SULT1A2: variants seen among roughly 807,000 people sequenced by gnomAD.
SULT1A2 encodes the protein sulfotransferase 1A2.
SULT1A2 carries 33 observed loss-of-function variants against 36.0 expected under a neutral mutation model. That is an observed-to-expected ratio of 0.92 (90% CI 0.69 to 1.22). The LOEUF (loss-of-function observed/expected upper bound fraction) is 1.22. SULT1A2 is among the 50% of genes most tolerant of loss of function. SULT1A2 has a pLI of 0.00. For missense variants in SULT1A2, 367 were observed against 383.2 expected (o/e 0.96, Z 0.35); for synonymous variants, 138 against 144.5 (o/e 0.96, Z 0.32).
intron 6 of SULT1A2, 62 bp from the exon 7 acceptor site, chr16:28,592,505 T>C (rs1596611744): frequency 1.2e-5 from 19 of 1,611,890 alleles, no homozygotes; most frequent in Admixed American, 1.7e-5. Flanking sequence ...ATAAAAGGGG[T>C]CCACTTCTCT....
At chr16:28,596,418 C>T in intron 1 of SULT1A2, 1 of 973,098 alleles carries the variant, frequency 1.0e-6, no homozygotes, top group African/African-American at 1.8e-5. Flanking sequence ...GTGGCAACTC[C>T]TAGGCTGGCC....
Position 28,592,355 on chromosome 16 carries a change from G to A in SULT1A2, c.683C>T (p.Ser228Leu), listed in dbSNP as rs1232719146. 5.0e-6 allele frequency: 8 copies of A among 1,614,002 alleles called. No individual in the cohort carries two copies. The highest frequency in any genetic ancestry group is 2.2e-5 in the East Asian group (1 of 44,862). The part of the protein sequence containing the change: ...ETVDLMVEHT[S>L]FKEMKKNPMT... ...AGGGTTCTTCTTCATCTCCTTGAAC[G>A]ACGTGTGCTCAACCATGAGGTCCAC... Residue 228 changes from serine (S) to leucine (L), a missense_variant, in exon 7 of 8, where the codon TCG becomes TTG. Transcript: ENST00000335715.
intron 2 of SULT1A2, 24 bp from the exon 3 acceptor site, chr16:28,595,699 G>A: frequency 6.2e-7 from 1 of 1,613,902 alleles, no homozygotes; most frequent in South Asian, 1.1e-5. Context: ...GAGATGGGAG[G>A]TGAGCAGGCT....
chr16:28,595,811 G>C lies in SULT1A2; in HGVS notation c.120C>G (p.Asp40Glu). ...ACTTGGGGTAGGTGCTGATGAGCAG[G>C]TCATCAGGCCGGGCCTGGAAGCTCT... ...PLQSFQARPD[D>E]LLISTYPKSG... The change falls in exon 2 of 8, where the codon GAC becomes GAG. Residue 40 changes from aspartate to glutamate, a missense_variant. Transcript: ENST00000335715. 1.2e-6 allele frequency: 2 copies of C among 1,612,484 alleles called. No individual in the cohort carries two copies. Among genetic ancestry groups the C allele is most frequent in the Non-Finnish European group, 1.7e-6 (2 of 1,179,440 alleles).
At chr16:28,592,537 A>G in intron 6 of SULT1A2, 94 bp from the exon 7 acceptor site, 1 of 1,588,434 alleles carries the variant, frequency 6.3e-7, no homozygotes, top group Non-Finnish European at 8.6e-7. Flanking sequence ...GGAACTGGCC[A>G]CTTCCACTTC....
At chr16:28,594,660 C>T (rs2047037293) in intron 4 of SULT1A2, among the ~76,000 whole-genome samples, 1 of 151,480 alleles carries the variant, frequency 6.6e-6, no homozygotes, top group African/African-American at 2.4e-5. Flanking sequence ...TCCATGTTGG[C>T]CAGGCTGATC....
rs761442890 is a variant in SULT1A2, at chr16:28,592,313, G to T, written c.725C>A (p.Thr242Asn). 22 of 1,613,846 alleles carry T rather than the reference G, an allele frequency of 1.4e-5. 1 individual carries two copies. The South Asian group carries it at 2.1e-4, about 15-fold the overall frequency. The part of the protein sequence containing the change: ...MKKNPMTNYT[T>N]VRREFMDHSI... ...GTGGTCCATGAACTCCCGGCGGACGGTGGTGTAGTTGGTCATAGGGTTCTT... is the reference window on the plus strand; with the variant it reads ...GTGGTCCATGAACTCCCGGCGGACGTTGGTGTAGTTGGTCATAGGGTTCTT... The change falls in exon 7 of 8, where the codon ACC (threonine) becomes AAC (asparagine). Residue 242 changes from threonine (T) to asparagine (N), a missense_variant. Thr to Asn is a moderately conservative substitution (Grantham distance 65). Transcript: ENST00000335715.
rs371074147 is a variant in SULT1A2 at position 28,592,318 on chromosome 16, G to A, written c.720C>T (p.Tyr240=). Residue 240 remains tyrosine, a synonymous_variant, in exon 7 of 8, where the codon TAC becomes TAT. Coordinates refer to ENST00000335715, the MANE Select transcript of SULT1A2 (RefSeq NM_001054.4). ...KEMKKNPMTN[Y]TTVRREFMDH... ...CCATGAACTCCCGGCGGACGGTGGT[G>A]TAGTTGGTCATAGGGTTCTTCTTCA... The A allele has an allele frequency of 1.9e-6, 3 of 1,613,962 alleles. No individual in the cohort carries two copies. The highest frequency in any genetic ancestry group is 2.5e-6 in the Non-Finnish European group (3 of 1,179,858).
chr16:28,592,333 G>A lies in SULT1A2; in HGVS notation c.705C>T (p.Asn235=). 9 of 1,613,900 alleles carry A rather than the reference G, an allele frequency of 5.6e-6. No homozygotes were observed. The highest frequency in any genetic ancestry group is 2.2e-5 in the South Asian group (2 of 91,080). The change falls in exon 7 of 8, where the codon AAC becomes AAT. Residue 235 remains asparagine (N), a synonymous_variant. Coordinates refer to ENST00000335715, the MANE Select transcript of SULT1A2 (RefSeq NM_001054.4). ...EHTSFKEMKK[N]PMTNYTTVRR... ...GGACGGTGGTGTAGTTGGTCATAGGGTTCTTCTTCATCTCCTTGAACGACG... is the reference window on the plus strand; with the variant it reads ...GGACGGTGGTGTAGTTGGTCATAGGATTCTTCTTCATCTCCTTGAACGACG...
chr16:28,592,539 TTC>T, intron 6 of SULT1A2, 96 bp from the exon 7 acceptor site: 1 of 1,587,856 alleles, frequency 6.3e-7, no homozygotes, highest in Non-Finnish European at 8.6e-7. Context: ...AACTGGCCAC[TTC>T]CACTTCAAAA....
rs750338667 is a variant in SULT1A2 at position 28,592,263 on chromosome 16, C to T, written c.775G>A (p.Gly259Ser). 21 of 1,613,980 alleles carry T rather than the reference C, an allele frequency of 1.3e-5. No homozygotes were observed. The highest frequency in any genetic ancestry group is 5.5e-5 in the South Asian group (5 of 91,080). The change falls in exon 7 of 8, where the codon GGC becomes AGC. Residue 259 changes from glycine (G) to serine (S), a missense_variant and splice_region_variant. By Grantham distance (56) the Gly-to-Ser change is moderately conservative. Coordinates refer to ENST00000335715, the MANE Select transcript of SULT1A2 (RefSeq NM_001054.4). ...DHSISPFMRK[G>S]MAGDWKTTFT... ...AACCCCCGTGCTGGCCGGCACCTACCTTTCCTCATGAAGGGGGAGATGCTG... is the reference window on the plus strand; with the variant it reads ...AACCCCCGTGCTGGCCGGCACCTACTTTTCCTCATGAAGGGGGAGATGCTG...
At chr16:28,595,338 C>G in intron 4 of SULT1A2, 29 bp downstream of exon 4, 3 of 1,612,518 alleles carry the variant, frequency 1.9e-6, no homozygotes, top group Non-Finnish European at 2.5e-6. Flanking sequence ...ACTGAGATTG[C>G]GGGTGTGAAC....
chr16:28,592,351 G>C lies in SULT1A2; in HGVS notation c.687C>G (p.Phe229Leu). The C allele has an allele frequency of 6.2e-7, 1 of 1,613,952 alleles. No individual in the cohort carries two copies. Among genetic ancestry groups the C allele is most frequent in the Non-Finnish European group, 8.5e-7 (1 of 1,179,874 alleles). ...TCATAGGGTTCTTCTTCATCTCCTT[G>C]AACGACGTGTGCTCAACCATGAGGT... ...TVDLMVEHTS[F>L]KEMKKNPMTN... Residue 229 changes from phenylalanine to leucine, a missense_variant, in exon 7 of 8, where the codon TTC becomes TTG. Coordinates refer to ENST00000335715, the MANE Select transcript of SULT1A2 (RefSeq NM_001054.4).
chr16:28,595,220 C>T (rs774694156), intron 4 of SULT1A2, 147 bp downstream of exon 4: 46 of 1,034,080 alleles, frequency 4.4e-5, no homozygotes, highest in Non-Finnish European at 5.2e-5. Context: ...TCCTGAGTAG[C>T]TGGTATTACA....
At position 28,592,008 on chromosome 16, in the gene SULT1A2, A is replaced by G. The variant is rs1475624212; in HGVS notation, c.*20T>C. ...GGCTTGATTCGCACACTCCCTCTGC[A>G]GTGACTCCAGGAACCCCTCTCACAG... On this transcript the variant is annotated 3_prime_UTR_variant, in exon 8 of 8. Coordinates refer to ENST00000335715, the MANE Select transcript of SULT1A2 (RefSeq NM_001054.4). The G allele has an allele frequency of 3.1e-6, 5 of 1,611,760 alleles. No individual in the cohort carries two copies. The highest frequency in any genetic ancestry group is 1.7e-5 in the Admixed American group (1 of 59,946).
chr16:28,593,222 C>T (rs554391512), intron 6 of SULT1A2, 30 bp downstream of exon 6: 32 of 1,612,058 alleles, frequency 2.0e-5, no homozygotes, highest in Middle Eastern at 2.1e-4. Flanking sequence ...CCAGGTGTCA[C>T]GTGGAGGGAA....
At position 28,591,950 on chromosome 16, in the gene SULT1A2, C is replaced by G; in HGVS notation, c.*78G>C. The G allele has an allele frequency of 1.5e-5, 24 of 1,607,724 alleles. No individual in the cohort carries two copies. Among genetic ancestry groups the G allele is most frequent in the Non-Finnish European group, 2.0e-5 (24 of 1,177,752 alleles). On this transcript the variant is annotated 3_prime_UTR_variant, in exon 8 of 8. Transcript: ENST00000335715. Reference sequence around the variant, plus strand: ...TGGAATAGAGACTCTGCATTGAACACAAATCATACTTTATTCTGGAGCCTC... The same window carrying G: ...TGGAATAGAGACTCTGCATTGAACAGAAATCATACTTTATTCTGGAGCCTC...
intron 4 of SULT1A2, 66 bp downstream of exon 4, chr16:28,595,301 G>C (rs2151665553): frequency 1.9e-6 from 3 of 1,593,410 alleles, no homozygotes; most frequent in Non-Finnish European, 2.6e-6. Flanking sequence ...GGCTTCAAGG[G>C]ATCTTCCCAC....
chr16:28,596,810 C>T (rs2047063911), intron 1 of SULT1A2, 187 bp downstream of exon 1: 1 of 345,542 alleles, frequency 2.9e-6, no homozygotes, highest in Non-Finnish European at 5.3e-6. Context: ...GCCTCGGTGA[C>T]AGCAAGACCT....
Sources: allele counts gnomAD v4.1 joint callset (sites outside exome capture counted in the v4.1 genomes callset), GRCh38; gene constraint gnomAD v4.1.1; transcripts MANE v1.5; gene names NCBI Gene and HGNC (gene_info 2026-07-23, HGNC 2026-07-21).